Variants in NCK2 observed in about 807,000 individuals in gnomAD.
NCK2 encodes the protein cytoplasmic protein NCK2.
A neutral mutation model predicts 33.9 loss-of-function variants in NCK2; 16 were observed. The observed-to-expected ratio is 0.47, with a 90% CI of 0.32 to 0.72. The LOEUF (loss-of-function observed/expected upper bound fraction) is 0.72, where lower values mean the gene tolerates loss of function less well. Among genes scored for constraint, NCK2 ranks in the 30% least tolerant of loss-of-function variants. The pLI is 0.03. For synonymous variants in NCK2, 273 were observed against 239.9 expected, an observed-to-expected ratio of 1.14 and a Z score of -1.27; for missense variants, 418 against 537.3, an observed-to-expected ratio of 0.78 and a Z score of 2.19.
Position 105,756,812 on chromosome 2 carries a change from T to C in NCK2, c.-201+11674T>C, listed in dbSNP as rs72935719. Among the ~76,000 whole-genome samples the C allele has an allele frequency of 1.5e-3, 235 of 152,354 alleles. 1 individual carries two copies. Among genetic ancestry groups the C allele is most frequent in the African/African-American group, 5.4e-3 (226 of 41,576 alleles). ...ATTCAAACAGTATCATTCTGAACTT[T>C]TTATTTTTTGAGACGGAGTTTCGCT... On this transcript the variant is annotated intron_variant, in intron 1 of 4. Transcript: ENST00000233154.
chr2:105,781,137 T>C (rs747244269), intron 1 of NCK2, among the ~76,000 whole-genome samples: 4 of 152,230 alleles, frequency 2.6e-5, no homozygotes, highest in Non-Finnish European at 4.4e-5. Context: ...TTTACTTCTC[T>C]TCTTATAAAC....
chr2:105,804,910 A>C (rs934660484), intron 1 of NCK2, among the ~76,000 whole-genome samples: 6 of 152,232 alleles, frequency 3.9e-5, no homozygotes, highest in Non-Finnish European at 8.8e-5. Context: ...AGGGCCTAAC[A>C]TGGCACTAAC....
At chr2:105,890,411 C>T (rs1477258196) in intron 4 of NCK2, among the ~76,000 whole-genome samples, 1 of 152,218 alleles carries the variant, frequency 6.6e-6, no homozygotes, top group Non-Finnish European at 1.5e-5. Flanking sequence ...CTAAATTGAG[C>T]CTGGCTTATA....
At chr2:105,800,936 C>A (rs1389851176) in intron 1 of NCK2, among the ~76,000 whole-genome samples, 2 of 152,084 alleles carry the variant, frequency 1.3e-5, no homozygotes, top group Non-Finnish European at 2.9e-5. Context: ...CTTTAGTATT[C>A]TTTGAGGGGT....
intron 2 of NCK2, among the ~76,000 whole-genome samples, chr2:105,851,465 G>T (rs1677066517): frequency 1.3e-5 from 2 of 152,124 alleles, no homozygotes; most frequent in Non-Finnish European, 2.9e-5. Flanking sequence ...CACCGTGTTA[G>T]CCAGGATGGT....
At chr2:105,764,210 C>T (rs1280117164) in intron 1 of NCK2, among the ~76,000 whole-genome samples, 1 of 152,246 alleles carries the variant, frequency 6.6e-6, no homozygotes, top group Non-Finnish European at 1.5e-5. Flanking sequence ...GACCCTGCAG[C>T]ACCTGCTGGC....
chr2:105,786,981 G>A (rs182059906), intron 1 of NCK2, among the ~76,000 whole-genome samples: 102 of 152,354 alleles, frequency 6.7e-4, no homozygotes, highest in African/African-American at 2.4e-3. Flanking sequence ...GTGCCGCACA[G>A]GTGCTCCCTG....
intron 3 of NCK2, among the ~76,000 whole-genome samples, chr2:105,862,921 G>A (rs566787920): frequency 2.6e-5 from 4 of 152,326 alleles, no homozygotes; most frequent in African/African-American, 7.2e-5. Context: ...TGCTGTGCCT[G>A]GGCAGTGCCC....
intron 3 of NCK2, among the ~76,000 whole-genome samples, chr2:105,859,955 T>A (rs2104597571): frequency 6.6e-6 from 1 of 152,240 alleles, no homozygotes; most frequent in Middle Eastern, 3.4e-3. Context: ...ATACTTTCGT[T>A]TTTAAGAAAT....
intron 3 of NCK2, among the ~76,000 whole-genome samples, chr2:105,862,539 G>C (rs983585084): frequency 6.6e-6 from 1 of 152,168 alleles, no homozygotes; most frequent in Non-Finnish European, 1.5e-5. Context: ...GGATTTAGTG[G>C]TAGGCCGCTT....
chr2:105,833,576 T>C (rs1322120780), intron 2 of NCK2, among the ~76,000 whole-genome samples: 1 of 151,064 alleles, frequency 6.6e-6, no homozygotes, highest in African/African-American at 2.5e-5. Context: ...TCTGATATTA[T>C]TTATTTGGCT....
intron 2 of NCK2, among the ~76,000 whole-genome samples, chr2:105,833,098 C>G (rs1488933276): frequency 7.6e-6 from 1 of 131,350 alleles, no homozygotes; most frequent in Non-Finnish European, 1.6e-5. Context: ...TCTTTTTCTT[C>G]TTTTCTTTTT....
At chr2:105,888,973 T>C (rs1573255078) in intron 4 of NCK2, among the ~76,000 whole-genome samples, 1 of 152,372 alleles carries the variant, frequency 6.6e-6, no homozygotes. Context: ...ATACTATCAG[T>C]ACTCTAGTAC....
At chr2:105,858,173 G>A (rs1408400430) in intron 3 of NCK2, among the ~76,000 whole-genome samples, 2 of 151,432 alleles carry the variant, frequency 1.3e-5, no homozygotes, top group Admixed American at 6.6e-5. Context: ...TAGGCCAATT[G>A]TGCAGCCTGC....
At chr2:105,861,622 C>G (rs776295166) in intron 3 of NCK2, among the ~76,000 whole-genome samples, 1 of 150,444 alleles carries the variant, frequency 6.6e-6, no homozygotes, top group African/African-American at 2.4e-5. Context: ...TCAAGCGATT[C>G]TCCTGCTTCA....
chr2:105,883,050 G>A (rs1678572145), intron 4 of NCK2, among the ~76,000 whole-genome samples: 1 of 3,100 alleles, frequency 3.2e-4, no homozygotes, highest in African/African-American at 1.5e-3. Flanking sequence ...AGAGGCGACT[G>A]GGATGTGCTC....
chr2:105,810,720 T>C (rs2104469246), intron 1 of NCK2, among the ~76,000 whole-genome samples: 1 of 152,320 alleles, frequency 6.6e-6, no homozygotes, highest in Middle Eastern at 3.4e-3. Context: ...GCAGACCTTT[T>C]AGAGAATGGA....
chr2:105,851,570 C>T (rs930750894), intron 2 of NCK2, among the ~76,000 whole-genome samples: 2 of 152,212 alleles, frequency 1.3e-5, no homozygotes, highest in Admixed American at 6.5e-5. Flanking sequence ...GCTGAGCTTT[C>T]TAAGGGTCTT....
intron 2 of NCK2, among the ~76,000 whole-genome samples, chr2:105,828,921 CT>C (rs1676060475): frequency 1.3e-5 from 2 of 152,190 alleles, no homozygotes; most frequent in South Asian, 4.1e-4. Flanking sequence ...AGGCTTCCAC[CT>C]TTCCCAAAAT....
Sources: gnomAD v4.1 joint callset for allele counts (sites outside exome capture counted in the v4.1 genomes callset) on GRCh38, gnomAD v4.1.1 for gene constraint, MANE v1.5 for transcripts, NCBI Gene and HGNC (gene_info 2026-07-23, HGNC 2026-07-21) for gene names.